The following ANKRD44 variants were observed in gnomAD, a reference collection of about 807,000 sequenced individuals.
The protein encoded by ANKRD44 is ankyrin repeat domain 44, also known as serine/threonine-protein phosphatase 6 regulatory ankyrin repeat subunit B.
Under a neutral mutation model 116.0 loss-of-function variants are expected in ANKRD44, and 35 were observed. The ratio of observed to expected loss-of-function variants is 0.30; its 90% CI spans 0.23 to 0.40. The LOEUF (loss-of-function observed/expected upper bound fraction) is 0.40, where lower values mean the gene tolerates loss of function less well. Among genes scored for constraint, ANKRD44 ranks in the 10% least tolerant of loss-of-function variants. The pLI is 1.00. For synonymous variants in ANKRD44, 435 were observed against 461.8 expected, an observed-to-expected ratio of 0.94 and a Z score of 0.74; for missense variants, 1,014 against 1,242.6, an observed-to-expected ratio of 0.82 and a Z score of 2.77.
intron 16 of ANKRD44, among the ~76,000 whole-genome samples, chr2:197,057,373 G>A (rs1313891339): frequency 6.6e-6 from 1 of 151,964 alleles, no homozygotes; most frequent in African/African-American, 2.4e-5. Flanking sequence ...CACTTAATTT[G>A]CCAATATTTG....
chr2:197,307,827 A>C (rs1181864942), intron 1 of ANKRD44, among the ~76,000 whole-genome samples: 1 of 152,138 alleles, frequency 6.6e-6, no homozygotes, highest in East Asian at 1.9e-4. Flanking sequence ...ACAGTAAAAA[A>C]TCCAAGAGGC....
At chr2:197,111,185 T>C (rs1475187377) in intron 8 of ANKRD44, among the ~76,000 whole-genome samples, 1 of 152,236 alleles carries the variant, frequency 6.6e-6, no homozygotes, top group Non-Finnish European at 1.5e-5. Flanking sequence ...AACAGTTATC[T>C]GAAACCTTTA....
At chr2:197,099,794 C>A (rs888343739) in intron 10 of ANKRD44, 22 bp downstream of exon 10, 1 of 1,613,052 alleles carries the variant, frequency 6.2e-7, no homozygotes, top group African/African-American at 1.3e-5. Flanking sequence ...AATTATTCCA[C>A]CGTATTTTTG....
rs1036301853 is a variant in ANKRD44, at chr2:197,005,983, G to A, written c.2131-73C>T. ...GAAGCAAAGCAGTTGGCTAAGTGAG[G>A]CTGGGCTTAGAGCAAGTGGACATAT... On this transcript the variant is annotated intron_variant, in intron 20 of 27. Coordinates refer to ENST00000282272, the MANE Select transcript of ANKRD44 (RefSeq NM_001195144.2). 7 of 1,433,618 alleles carry A rather than the reference G, an allele frequency of 4.9e-6. No homozygotes were observed. The African/African-American group carries it at 8.4e-5, about 17-fold the overall frequency. 88.8% of individuals were successfully genotyped at this position (1,433,618 alleles called of 1,614,324 possible).
chr2:197,301,473 T>A (rs11692603), intron 1 of ANKRD44: 17,889 of 152,194 alleles, frequency 0.12, 1,453 homozygotes, highest in Middle Eastern at 0.24. Flanking sequence ...GTGCTAACCA[T>A]CCTCACAACC....
chr2:197,138,854 T>C (rs547863030), intron 3 of ANKRD44, among the ~76,000 whole-genome samples: 2 of 152,298 alleles, frequency 1.3e-5, no homozygotes, highest in African/African-American at 4.8e-5. Context: ...GCAGAGTAAA[T>C]TTTGTGCTTT....
At chr2:197,042,396 G>C (rs1285492110) in intron 16 of ANKRD44, among the ~76,000 whole-genome samples, 1 of 151,534 alleles carries the variant, frequency 6.6e-6, no homozygotes, top group Non-Finnish European at 1.5e-5. Flanking sequence ...TCCTTCACAA[G>C]TGGCCAACAT....
chr2:197,287,533 G>A (rs963579260), intron 1 of ANKRD44, among the ~76,000 whole-genome samples: 3 of 152,142 alleles, frequency 2.0e-5, no homozygotes, highest in East Asian at 3.9e-4. Flanking sequence ...CCAAAGAACC[G>A]TTTTTAATGC....
intron 1 of ANKRD44, among the ~76,000 whole-genome samples, chr2:197,278,406 G>A (rs1439147003): frequency 6.6e-6 from 1 of 151,938 alleles, no homozygotes; most frequent in Non-Finnish European, 1.5e-5. Context: ...GCCCAGGCTG[G>A]AGTGCAGTGG....
At chr2:197,055,764 C>T (rs979196882) in intron 16 of ANKRD44, among the ~76,000 whole-genome samples, 1 of 151,590 alleles carries the variant, frequency 6.6e-6, no homozygotes, top group African/African-American at 2.4e-5. Context: ...TTTTCAACTC[C>T]CTATTCTGTT....
At chr2:197,216,887 C>CACAA (rs1174349324) in intron 1 of ANKRD44, among the ~76,000 whole-genome samples, 1 of 151,086 alleles carries the variant, frequency 6.6e-6, no homozygotes, top group Non-Finnish European at 1.5e-5. Flanking sequence ...CACACACACA[C>CACAA]ACACACACAC....
chr2:197,155,589 T>A (rs555395470), intron 2 of ANKRD44, among the ~76,000 whole-genome samples: 1 of 152,198 alleles, frequency 6.6e-6, no homozygotes, highest in Non-Finnish European at 1.5e-5. Flanking sequence ...GGTGAAAGAA[T>A]AGCCTTGTCA....
At chr2:197,215,303 C>A (rs1431480042) in intron 1 of ANKRD44, among the ~76,000 whole-genome samples, 1 of 152,156 alleles carries the variant, frequency 6.6e-6, no homozygotes, top group Non-Finnish European at 1.5e-5. Flanking sequence ...GTTTACTGAA[C>A]AACATTAGCC....
chr2:197,033,870 A>G (rs1237518784), intron 16 of ANKRD44, among the ~76,000 whole-genome samples: 1 of 152,156 alleles, frequency 6.6e-6, no homozygotes, highest in Non-Finnish European at 1.5e-5. Flanking sequence ...AAGACAATGT[A>G]AAAAAGTGGA....
intron 17 of ANKRD44, among the ~76,000 whole-genome samples, chr2:197,024,804 T>G (rs2076560495): frequency 6.6e-6 from 1 of 152,246 alleles, no homozygotes; most frequent in African/African-American, 2.4e-5. Context: ...ACTGTGGTAT[T>G]CAATTAGCCA....
intron 1 of ANKRD44, among the ~76,000 whole-genome samples, chr2:197,278,492 G>T (rs1307377000): frequency 6.6e-6 from 1 of 151,830 alleles, no homozygotes; most frequent in Non-Finnish European, 1.5e-5. Flanking sequence ...GAGTAGCTGG[G>T]ACTACAGGCA....
At chr2:197,084,536 T>G (rs1222073617) in intron 13 of ANKRD44, among the ~76,000 whole-genome samples, 1 of 152,174 alleles carries the variant, frequency 6.6e-6, no homozygotes, top group Non-Finnish European at 1.5e-5. Flanking sequence ...AGAATCCGAA[T>G]CCAAATCCAA....
intron 18 of ANKRD44, among the ~76,000 whole-genome samples, chr2:197,010,567 C>G (rs2076281878): frequency 6.6e-6 from 1 of 152,210 alleles, no homozygotes; most frequent in Non-Finnish European, 1.5e-5. Flanking sequence ...AGTGGTCCCA[C>G]AGGGGCTGGG....
At chr2:197,310,470 G>A in intron 1 of ANKRD44, 108 bp downstream of exon 1, 11 of 799,694 alleles carry the variant, frequency 1.4e-5, no homozygotes, top group Non-Finnish European at 1.7e-5. Context: ...CCCCTTCGCC[G>A]CGAGTAAACA....
Sources: allele counts gnomAD v4.1 joint callset (sites outside exome capture counted in the v4.1 genomes callset), GRCh38; gene constraint gnomAD v4.1.1; transcripts MANE v1.5; gene names NCBI Gene and HGNC (gene_info 2026-07-23, HGNC 2026-07-21).